TNKS: variants seen among roughly 807,000 people sequenced by gnomAD.
The protein encoded by TNKS is poly [ADP-ribose] polymerase tankyrase-1.
Under a neutral mutation model 135.8 loss-of-function variants are expected in TNKS, and 72 were observed. The ratio of observed to expected loss-of-function variants is 0.53; its 90% CI spans 0.44 to 0.64. The LOEUF (loss-of-function observed/expected upper bound fraction) is 0.64. TNKS is among the 30% of genes least tolerant of loss of function. The pLI is 0.00. For missense variants in TNKS, 1,769 were observed against 1,674.0 expected (o/e 1.06, Z -0.99); for synonymous variants, 849 against 649.3 (o/e 1.31, Z -4.68).
At chr8:9,638,747 A>G (rs968148978) in intron 3 of TNKS, among the ~76,000 whole-genome samples, 1 of 152,236 alleles carries the variant, frequency 6.6e-6, no homozygotes, top group Non-Finnish European at 1.5e-5. Context: ...TGTGAGGTAG[A>G]AAATTATTTT....
intron 25 of TNKS, among the ~76,000 whole-genome samples, chr8:9,767,101 C>T (rs866354169): frequency 6.6e-6 from 1 of 152,168 alleles, no homozygotes; most frequent in African/African-American, 2.4e-5. Context: ...TGAAGACACA[C>T]TTCTATAAAA....
In TNKS at chr8:9,779,874, T is replaced by C. The variant is rs1375241188; in HGVS notation, c.*3138T>C. On this transcript the variant is annotated 3_prime_UTR_variant, in exon 27 of 27. Transcript: ENST00000310430. ...CTTTTCCTTCTTGGAGTTTGGAATT[T>C]CTAGCTTTTCAAGCAGCATAAGTAG... 1.3e-5 allele frequency: 2 copies of C among 152,212 alleles called. No homozygotes were observed. Among genetic ancestry groups the C allele is most frequent in the Admixed American group, 1.3e-4 (2 of 15,278 alleles). The allele number at this position is 152,212 out of a possible 1,614,324, so 9.4% of individuals were successfully genotyped here.
Position 9,611,752 on chromosome 8 carries a change from A to G in TNKS, c.899-3830A>G, listed in dbSNP as rs538832389. ...CATAGAGAACAGTGTGAAGGATCAG[A>G]TTTGAAGGCACTTTAGGATGAAATT... On this transcript the variant is annotated intron_variant, in intron 2 of 26. Transcript: ENST00000310430. 2.6e-5 allele frequency among the ~76,000 whole-genome samples: 4 copies of G among 152,318 alleles called. 1 individual carries two copies. In the East Asian group the frequency reaches 7.7e-4, roughly 29 times the overall value.
At chr8:9,687,021 C>T (rs1425883399) in intron 5 of TNKS, among the ~76,000 whole-genome samples, 1 of 152,172 alleles carries the variant, frequency 6.6e-6, no homozygotes, top group East Asian at 1.9e-4. Context: ...ACTGTATCCT[C>T]ACACTGGATA....
intron 3 of TNKS, among the ~76,000 whole-genome samples, chr8:9,662,288 A>C (rs1480169335): frequency 6.6e-6 from 1 of 152,226 alleles, no homozygotes; most frequent in African/African-American, 2.4e-5. Context: ...ATAAAGACAC[A>C]TGCACATGTA....
intron 3 of TNKS, chr8:9,670,260 G>T (rs1247236143): frequency 1.3e-5 from 2 of 152,158 alleles, no homozygotes; most frequent in South Asian, 4.1e-4. Context: ...GTGGTATTTT[G>T]CATTAGAAAG....
intron 2 of TNKS, among the ~76,000 whole-genome samples, chr8:9,582,319 TTTTG>T (rs1431221372): frequency 2.0e-5 from 3 of 152,200 alleles, no homozygotes; most frequent in Non-Finnish European, 2.9e-5. Context: ...CTTGTTTTTT[TTTTG>T]TTTGTTTGTT....
chr8:9,628,118 G>C (rs1800134999), intron 3 of TNKS, among the ~76,000 whole-genome samples: 1 of 152,012 alleles, frequency 6.6e-6, no homozygotes, highest in Non-Finnish European at 1.5e-5. Context: ...ATATCCATCT[G>C]CTCATATGTA....
At chr8:9,613,020 G>C (rs1039621584) in intron 2 of TNKS, among the ~76,000 whole-genome samples, 1 of 152,146 alleles carries the variant, frequency 6.6e-6, no homozygotes, top group Non-Finnish European at 1.5e-5. Flanking sequence ...CTGAGAAGGA[G>C]GGTGAGGAGT....
chr8:9,704,598 G>A, intron 5 of TNKS, 65 bp from the exon 6 acceptor site: 1 of 1,335,658 alleles, frequency 7.5e-7, no homozygotes, highest in South Asian at 1.2e-5. Flanking sequence ...AATCTGAAAT[G>A]GCAAAGCAAG....
At chr8:9,589,599 AC>A (rs1428904719) in intron 2 of TNKS, among the ~76,000 whole-genome samples, 1 of 152,146 alleles carries the variant, frequency 6.6e-6, no homozygotes, top group Non-Finnish European at 1.5e-5. Context: ...TTAGATGTTG[AC>A]CCTTAATCAG....
At chr8:9,718,380 A>G (rs1458234218) in intron 11 of TNKS, among the ~76,000 whole-genome samples, 1 of 152,154 alleles carries the variant, frequency 6.6e-6, no homozygotes, top group Admixed American at 6.6e-5. Context: ...GTAGACAATG[A>G]TAGCTTTAAG....
chr8:9,651,698 G>A (rs1023283904), intron 3 of TNKS, among the ~76,000 whole-genome samples: 5 of 152,146 alleles, frequency 3.3e-5, no homozygotes, highest in African/African-American at 1.2e-4. Context: ...TCACTAGGAG[G>A]AAAAGATTGT....
At chr8:9,637,584 T>C (rs1056880076) in intron 3 of TNKS, among the ~76,000 whole-genome samples, 10 of 152,180 alleles carry the variant, frequency 6.6e-5, no homozygotes, top group African/African-American at 2.4e-4. Flanking sequence ...GAAGAAGTTA[T>C]TAGAATGCCA....
chr8:9,653,574 T>G (rs1461750982), intron 3 of TNKS, among the ~76,000 whole-genome samples: 1 of 151,794 alleles, frequency 6.6e-6, no homozygotes, highest in Non-Finnish European at 1.5e-5. Context: ...AACCACACTT[T>G]ATAACAACTC....
chr8:9,678,180 C>T (rs1052445806), intron 3 of TNKS, among the ~76,000 whole-genome samples: 1 of 152,118 alleles, frequency 6.6e-6, no homozygotes, highest in African/African-American at 2.4e-5. Flanking sequence ...TGTGACTCTA[C>T]GAAATTAATA....
At chr8:9,592,737 A>G (rs552005221) in intron 2 of TNKS, among the ~76,000 whole-genome samples, 64 of 152,312 alleles carry the variant, frequency 4.2e-4, no homozygotes, top group African/African-American at 1.4e-3. Flanking sequence ...AGAAGGCTTG[A>G]TTCTGTCTGA....
chr8:9,687,992 A>C (rs1207079347), intron 5 of TNKS, among the ~76,000 whole-genome samples: 1 of 152,228 alleles, frequency 6.6e-6, no homozygotes, highest in Non-Finnish European at 1.5e-5. Context: ...CCCATGTCAC[A>C]GAGGGGCAAA....
chr8:9,755,913 T>A (rs1806810089), intron 20 of TNKS, among the ~76,000 whole-genome samples: 1 of 152,238 alleles, frequency 6.6e-6, no homozygotes, highest in Non-Finnish European at 1.5e-5. Context: ...TAAATTGTCC[T>A]GTTTCCCATA....
Sources: gnomAD v4.1 joint callset for allele counts (sites outside exome capture counted in the v4.1 genomes callset) on GRCh38, gnomAD v4.1.1 for gene constraint, MANE v1.5 for transcripts, NCBI Gene and HGNC (gene_info 2026-07-23, HGNC 2026-07-21) for gene names.